VIPR2: variants seen among roughly 807,000 people sequenced by gnomAD.
VIPR2 encodes vasoactive intestinal peptide receptor 2.
VIPR2 carries 48 observed loss-of-function variants against 58.0 expected under a neutral mutation model. The observed-to-expected ratio is 0.83, with a 90% CI of 0.66 to 1.05. The LOEUF (loss-of-function observed/expected upper bound fraction) is 1.05, where lower values mean the gene tolerates loss of function less well. VIPR2 is among the 50% of genes least tolerant of loss of function. The pLI, the probability that VIPR2 is intolerant of heterozygous loss-of-function variation, is 0.00. For synonymous variants in VIPR2, 243 were observed against 235.2 expected, an observed-to-expected ratio of 1.03 and a Z score of -0.30; for missense variants, 534 against 558.0, an observed-to-expected ratio of 0.96 and a Z score of 0.43.
chr7:159,080,292 G>A (rs905553568), intron 4 of VIPR2, among the ~76,000 whole-genome samples: 3 of 152,144 alleles, frequency 2.0e-5, no homozygotes, highest in Non-Finnish European at 4.4e-5. Context: ...CTTCATCCCC[G>A]GGATGCAAGG....
chr7:159,068,702 A>G (rs1229237600), intron 4 of VIPR2, among the ~76,000 whole-genome samples: 1 of 152,218 alleles, frequency 6.6e-6, no homozygotes, highest in Non-Finnish European at 1.5e-5. Flanking sequence ...GTGCAACAGC[A>G]CGGCCTCAGA....
In VIPR2 at chr7:159,097,333, C is replaced by G; in HGVS notation, c.357+6424G>C. On this transcript the variant is annotated intron_variant, in intron 4 of 12. Transcript: ENST00000262178. This position sits in a 1 kb window ranked among gnomAD's most constrained non-coding sequence, Gnocchi z 5.3. ...AGCATGGGGAGGCCGAAATGCCAAA[C>G]AGTTCTCTTGGCTAAATTTAGCAGA... 2 of 1,188,422 alleles carry G rather than the reference C, an allele frequency of 1.7e-6. No individual in the cohort carries two copies. Among genetic ancestry groups the G allele is most frequent in the Non-Finnish European group, 2.2e-6 (2 of 917,046 alleles). 73.6% of individuals were successfully genotyped at this position (1,188,422 alleles called of 1,614,324 possible). A position where few individuals can be genotyped will look rare whatever the true frequency, so the allele number is the denominator to read the frequency against.
intron 4 of VIPR2, among the ~76,000 whole-genome samples, chr7:159,079,246 A>G (rs2129494837): frequency 6.6e-6 from 1 of 152,364 alleles, no homozygotes; most frequent in East Asian, 1.9e-4. Context: ...CAAATGTAAA[A>G]GAACAGAAAT....
chr7:159,079,751 T>A (rs375222849), intron 4 of VIPR2, among the ~76,000 whole-genome samples: 1 of 151,214 alleles, frequency 6.6e-6, no homozygotes, highest in Admixed American at 6.6e-5. Flanking sequence ...GAGAGAAGAA[T>A]CAAATAGACA....
chr7:159,132,881 A>G (rs992248266), intron 2 of VIPR2, among the ~76,000 whole-genome samples: 38 of 119,912 alleles, frequency 3.2e-4, no homozygotes, highest in Non-Finnish European at 5.3e-4. Context: ...TGATTGGCAT[A>G]CAGATTGATT....
At chr7:159,133,135 C>A (rs1797047156) in intron 2 of VIPR2, among the ~76,000 whole-genome samples, 1 of 152,312 alleles carries the variant, frequency 6.6e-6, no homozygotes. Context: ...AACTTCCTTA[C>A]AAATTAAATC....
chr7:159,132,851 C>CAGATTGATTT (rs1563355242), intron 2 of VIPR2, among the ~76,000 whole-genome samples: 1 of 122,212 alleles, frequency 8.2e-6, no homozygotes, highest in Non-Finnish European at 1.9e-5. Context: ...GATTGGCATA[C>CAGATTGATTT]CGATTGATTT....
chr7:159,114,310 A>G (rs1200460554), intron 2 of VIPR2, among the ~76,000 whole-genome samples: 1 of 152,040 alleles, frequency 6.6e-6, no homozygotes, highest in Non-Finnish European at 1.5e-5. Flanking sequence ...GCCACCCCCG[A>G]GAGAAGCACA....
chr7:159,077,278 TG>T lies in VIPR2; in HGVS notation c.358-18701del, dbSNP rs1427475290. Among the ~76,000 whole-genome samples, 571 of 151,138 alleles carry T rather than the reference TG, an allele frequency of 3.8e-3. 27 individuals are homozygous for T. The highest frequency in any genetic ancestry group is 0.013 in the African/African-American group (542 of 40,484). The stretch of plus-strand genomic sequence containing the variant: ...AGATTCTAGCCCTGTTCAATGTCTT[TG>T]AGGTACTACAGTGTGCCTGTTATCA... On this transcript the variant is annotated intron_variant, in intron 4 of 12. Transcript: ENST00000262178.
Position 159,095,533 on chromosome 7 carries a change from T to A in VIPR2, c.357+8224A>T, listed in dbSNP as rs1857777164. On this transcript the variant is annotated intron_variant, in intron 4 of 12. Coordinates refer to ENST00000262178, the MANE Select transcript of VIPR2 (RefSeq NM_003382.5). The surrounding 1 kb of genome is among the most constrained non-coding windows in gnomAD (Gnocchi z 5.2). The stretch of plus-strand genomic sequence containing the variant: ...GCAAAGCACGTATAAATTTAAGTGG[T>A]TTTTTTAGTACTTAAAATTTGATTT... Among the ~76,000 whole-genome samples the A allele has an allele frequency of 6.6e-6, 1 of 152,224 alleles. No individual in the cohort carries two copies. Among genetic ancestry groups the A allele is most frequent in the Non-Finnish European group, 1.5e-5 (1 of 68,038 alleles).
intron 4 of VIPR2, chr7:159,059,493 A>G (rs1855509525): frequency 2.7e-6 from 1 of 370,360 alleles, no homozygotes; most frequent in African/African-American, 2.1e-5. Flanking sequence ...CAAAACTCAG[A>G]AAGTTATGCT....
At position 159,030,615 on chromosome 7, in the gene VIPR2, G is replaced by A. The variant is rs1585315710; in HGVS notation, c.*1C>T. ...GCCGCGTCCGACAGGCAGGGGTGGGGCTAGATGACCGAGGTCTCCGTTTGC... is the reference window on the plus strand; with the variant it reads ...GCCGCGTCCGACAGGCAGGGGTGGGACTAGATGACCGAGGTCTCCGTTTGC... On this transcript the variant is annotated 3_prime_UTR_variant, in exon 13 of 13. Coordinates refer to ENST00000262178, the MANE Select transcript of VIPR2 (RefSeq NM_003382.5). The A allele has an allele frequency of 2.6e-6, 4 of 1,540,692 alleles. No individual in the cohort carries two copies. Among genetic ancestry groups the A allele is most frequent in the East Asian group, 2.4e-5 (1 of 40,856 alleles).
intron 5 of VIPR2, among the ~76,000 whole-genome samples, chr7:159,047,919 T>A (rs1420665501): frequency 1.3e-5 from 2 of 152,178 alleles, no homozygotes; most frequent in African/African-American, 2.4e-5. Flanking sequence ...AAAATGACAA[T>A]ATAATTTATG....
intron 5 of VIPR2, among the ~76,000 whole-genome samples, chr7:159,050,509 A>C (rs1384097060): frequency 2.0e-5 from 3 of 152,012 alleles, no homozygotes; most frequent in Non-Finnish European, 2.9e-5. Flanking sequence ...TCAAATAGAA[A>C]ATTTAAAACT....
intron 7 of VIPR2, among the ~76,000 whole-genome samples, 185 bp downstream of exon 7, chr7:159,036,567 G>T (rs1156344575): frequency 6.6e-6 from 1 of 152,170 alleles, no homozygotes; most frequent in African/African-American, 2.4e-5. Flanking sequence ...CTAGGTTCCT[G>T]GTTACCAGAA....
chr7:159,062,321 G>A (rs1302428855), intron 4 of VIPR2, among the ~76,000 whole-genome samples: 1 of 152,194 alleles, frequency 6.6e-6, no homozygotes, highest in Non-Finnish European at 1.5e-5. Context: ...TGGGTTTTTG[G>A]TCTCACTGAC....
chr7:159,049,503 C>G (rs889305651), intron 5 of VIPR2, among the ~76,000 whole-genome samples: 1 of 152,106 alleles, frequency 6.6e-6, no homozygotes, highest in African/African-American at 2.4e-5. Context: ...AGGACAAGCC[C>G]AGAGCCAGGG....
intron 2 of VIPR2, among the ~76,000 whole-genome samples, chr7:159,112,016 A>C (rs1470491764): frequency 6.6e-6 from 1 of 152,248 alleles, no homozygotes; most frequent in Non-Finnish European, 1.5e-5. Flanking sequence ...GTCTCAATAA[A>C]TAAACAATAA....
At chr7:159,063,049 G>T (rs531894257) in intron 4 of VIPR2, among the ~76,000 whole-genome samples, 1 of 152,194 alleles carries the variant, frequency 6.6e-6, no homozygotes, top group African/African-American at 2.4e-5. Context: ...GGTTCCCCAC[G>T]TCCCCACTGG....
Sources: gnomAD v4.1 joint callset for allele counts (sites outside exome capture counted in the v4.1 genomes callset) on GRCh38, gnomAD v4.1.1 for gene constraint, Gnocchi (gnomAD v3.1) non-coding constraint, MANE v1.5 for transcripts, NCBI Gene and HGNC (gene_info 2026-07-23, HGNC 2026-07-21) for gene names.